XRCC4: variants seen among roughly 807,000 people sequenced by gnomAD.
XRCC4 encodes the protein X-ray repair cross complementing 4, also known as DNA repair protein XRCC4.
Under a neutral mutation model 39.1 loss-of-function variants are expected in XRCC4, and 28 were observed. That is an observed-to-expected ratio of 0.72 (90% confidence interval 0.53 to 0.98). XRCC4 has a LOEUF of 0.98. Ranked by LOEUF, XRCC4 falls within the 50% of genes least tolerant of loss-of-function variation. The pLI, the probability that XRCC4 is intolerant of heterozygous loss-of-function variation, is 0.00. For missense variants in XRCC4, 350 were observed against 376.4 expected, an observed-to-expected ratio of 0.93 and a Z score of 0.58; for synonymous variants, 123 against 126.4, an observed-to-expected ratio of 0.97 and a Z score of 0.18.
chr5:83,275,555 A>G (rs1431761253), intron 7 of XRCC4, among the ~76,000 whole-genome samples: 1 of 152,152 alleles, frequency 6.6e-6, no homozygotes. Flanking sequence ...TCGGCCTCCC[A>G]AAGTGCTGGG....
At chr5:83,311,905 C>A (rs1162544480) in intron 7 of XRCC4, among the ~76,000 whole-genome samples, 1 of 151,744 alleles carries the variant, frequency 6.6e-6, no homozygotes, top group Non-Finnish European at 1.5e-5. Context: ...ATAAAAGATT[C>A]ATAAATATGG....
In XRCC4 at chr5:83,081,774, C is replaced by A. The variant is rs117662815; in HGVS notation, c.-11+4159C>A. Among the ~76,000 whole-genome samples the A allele has an allele frequency of 1.6e-4, 25 of 152,294 alleles. No individual in the cohort carries two copies. The East Asian group carries it at 4.8e-3, about 29-fold the overall frequency. Reference sequence around the variant, plus strand: ...CCATTTTCAACCCCATTTGTTTGCTCTTCTCTGCAACAAAAATCCTCTAAA... The same window carrying A: ...CCATTTTCAACCCCATTTGTTTGCTATTCTCTGCAACAAAAATCCTCTAAA... On this transcript the variant is annotated intron_variant, in intron 1 of 7. Transcript: ENST00000396027.
At chr5:83,243,481 T>A (rs146265962) in intron 6 of XRCC4, among the ~76,000 whole-genome samples, 1 of 152,356 alleles carries the variant, frequency 6.6e-6, no homozygotes, top group Admixed American at 6.5e-5. Flanking sequence ...GACATCAGAC[T>A]CACTGGGCTA....
intron 3 of XRCC4, among the ~76,000 whole-genome samples, chr5:83,167,153 A>G (rs1321643853): frequency 6.6e-6 from 1 of 151,978 alleles, no homozygotes; most frequent in Non-Finnish European, 1.5e-5. Context: ...AAGTGCTCGG[A>G]TTACAGGCAT....
chr5:83,171,304 C>T (rs1210371752), intron 3 of XRCC4, among the ~76,000 whole-genome samples: 2 of 152,230 alleles, frequency 1.3e-5, no homozygotes, highest in East Asian at 1.9e-4. Context: ...ACCAGAGGAG[C>T]ATTTCTAAAA....
At chr5:83,241,702 A>G (rs915051602) in intron 6 of XRCC4, among the ~76,000 whole-genome samples, 2 of 152,206 alleles carry the variant, frequency 1.3e-5, no homozygotes, top group Non-Finnish European at 2.9e-5. Context: ...CCAAATCTTT[A>G]CTAATAGCCT....
Position 83,304,943 on chromosome 5 carries a change from A to G in XRCC4, c.893+46266A>G, listed in dbSNP as rs573483812. 9.2e-5 allele frequency among the ~76,000 whole-genome samples: 14 copies of G among 152,274 alleles called. No homozygotes were observed. The East Asian group carries it at 1.9e-3, about 21-fold the overall frequency. On this transcript the variant is annotated intron_variant, in intron 7 of 7. Coordinates refer to ENST00000396027, the MANE Select transcript of XRCC4 (RefSeq NM_003401.5). ...AACTCTCATGTCTTGGTACCATTTT[A>G]TAGTTATTGGGAAGAAAAATAAAGT...
At chr5:83,135,421 G>T (rs1747847700) in intron 3 of XRCC4, among the ~76,000 whole-genome samples, 3 of 151,400 alleles carry the variant, frequency 2.0e-5, no homozygotes, top group African/African-American at 7.3e-5. Context: ...TGCTTTTAAG[G>T]TTTTTTCTTT....
At chr5:83,355,862 T>C (rs111516741), downstream of XRCC4, among the ~76,000 whole-genome samples, 82 of 152,276 alleles carry the variant, frequency 5.4e-4, no homozygotes, top group African/African-American at 1.8e-3. Flanking sequence ...GGTCTCAACC[T>C]CCTAACCTCA....
intron 7 of XRCC4, among the ~76,000 whole-genome samples, chr5:83,313,121 T>C (rs926244018): frequency 2.7e-5 from 4 of 149,550 alleles, no homozygotes; most frequent in African/African-American, 4.9e-5. Flanking sequence ...ATACAGGTGG[T>C]CAAAAAAACA....
intron 1 of XRCC4, among the ~76,000 whole-genome samples, chr5:83,092,092 A>G (rs1242023565): frequency 6.6e-6 from 1 of 152,136 alleles, no homozygotes; most frequent in Non-Finnish European, 1.5e-5. Context: ...TTTAATTTCT[A>G]TCTCCCTAAT....
At chr5:83,107,860 C>T (rs185000156) in intron 2 of XRCC4, among the ~76,000 whole-genome samples, 58 of 151,876 alleles carry the variant, frequency 3.8e-4, no homozygotes, top group African/African-American at 1.4e-3. Context: ...ATAAATCAAG[C>T]AGTGAAATGG....
At chr5:83,283,220 G>A (rs928565549) in intron 7 of XRCC4, among the ~76,000 whole-genome samples, 9 of 152,236 alleles carry the variant, frequency 5.9e-5, no homozygotes, top group South Asian at 2.1e-4. Context: ...TATAAAGAAC[G>A]TTGAAGATAC....
rs565346770 is a variant in XRCC4, at chr5:83,159,802, C to T, written c.316-35968C>T. Among the ~76,000 whole-genome samples, 501 of 152,212 alleles carry T rather than the reference C, an allele frequency of 3.3e-3. 7 individuals carry two copies. Among genetic ancestry groups the T allele is most frequent in the Non-Finnish European group, 3.7e-3 (250 of 67,994 alleles). On this transcript the variant is annotated intron_variant, in intron 3 of 7. Coordinates refer to ENST00000396027, the MANE Select transcript of XRCC4 (RefSeq NM_003401.5). The stretch of plus-strand genomic sequence containing the variant: ...TTTGTAAAAGGCTCAAACTTAGACA[C>T]TTTGGTGTTATTTCCAAATAAGATT...
At chr5:83,276,171 C>A (rs536974518) in intron 7 of XRCC4, among the ~76,000 whole-genome samples, 2 of 152,226 alleles carry the variant, frequency 1.3e-5, no homozygotes, top group South Asian at 4.2e-4. Flanking sequence ...TCTCAAGATG[C>A]TGAGCCAAAT....
intron 4 of XRCC4, among the ~76,000 whole-genome samples, chr5:83,202,850 TC>T (rs1751265491): frequency 6.6e-6 from 1 of 152,158 alleles, no homozygotes; most frequent in Non-Finnish European, 1.5e-5. Context: ...ATAAATACAA[TC>T]CCTTGTTAGC....
chr5:83,118,043 T>TA (rs1561338975), intron 3 of XRCC4, among the ~76,000 whole-genome samples: 1 of 49,668 alleles, frequency 2.0e-5, no homozygotes, highest in East Asian at 4.5e-4. Context: ...TATATACATC[T>TA]CCACACACAC....
intron 3 of XRCC4, among the ~76,000 whole-genome samples, chr5:83,138,277 G>A (rs767130954): frequency 4.6e-5 from 7 of 152,112 alleles, no homozygotes; most frequent in Admixed American, 1.3e-4. Flanking sequence ...ACTGCTTGAA[G>A]TGCACTATAA....
intron 3 of XRCC4, among the ~76,000 whole-genome samples, chr5:83,112,487 G>A (rs912021343): frequency 2.6e-5 from 4 of 152,168 alleles, no homozygotes; most frequent in Admixed American, 6.5e-5. Flanking sequence ...TTCCAAATTA[G>A]TGAGGTACAT....
Sources: allele counts gnomAD v4.1 joint callset (sites outside exome capture counted in the v4.1 genomes callset), GRCh38; gene constraint gnomAD v4.1.1; transcripts MANE v1.5; gene names NCBI Gene and HGNC (gene_info 2026-07-23, HGNC 2026-07-21).